Variants in PTCHD4 observed in about 807,000 individuals in gnomAD.
PTCHD4 encodes patched domain-containing protein 4.
PTCHD4 carries 33 observed loss-of-function variants against 58.1 expected under a neutral mutation model. The ratio of observed to expected loss-of-function variants is 0.57; its 90% CI spans 0.43 to 0.76. PTCHD4 has a LOEUF of 0.76. Among genes scored for constraint, PTCHD4 ranks in the 30% least tolerant of loss-of-function variants. PTCHD4 has a pLI of 0.00. For missense variants in PTCHD4, 1,058 were observed against 1,027.1 expected (o/e 1.03, Z -0.41); for synonymous variants, 478 against 409.6 (o/e 1.17, Z -2.02).
intron 4 of PTCHD4, among the ~76,000 whole-genome samples, chr6:47,987,950 T>C (rs1373221896): frequency 1.3e-5 from 2 of 152,092 alleles, no homozygotes; most frequent in Non-Finnish European, 2.9e-5. Flanking sequence ...CTAATTTTTG[T>C]ATTTTTAGTA....
chr6:48,047,694 A>G (rs1405486965), intron 3 of PTCHD4, among the ~76,000 whole-genome samples: 2 of 151,728 alleles, frequency 1.3e-5, no homozygotes. Context: ...CACAAATGAG[A>G]TTAGTGTTTT....
chr6:48,024,809 G>C (rs1582038991), intron 3 of PTCHD4, among the ~76,000 whole-genome samples: 2 of 152,140 alleles, frequency 1.3e-5, no homozygotes, highest in East Asian at 3.9e-4. Context: ...CAGTACAGAA[G>C]TTTCTCCACT....
chr6:48,092,898 A>G (rs1450637194), intron 1 of PTCHD4, among the ~76,000 whole-genome samples: 2 of 152,150 alleles, frequency 1.3e-5, no homozygotes, highest in Admixed American at 1.3e-4. Flanking sequence ...GTTATCATGT[A>G]TCATGGTCTT....
At chr6:47,882,486 A>G (rs1339219546) in intron 4 of PTCHD4, among the ~76,000 whole-genome samples, 2 of 151,720 alleles carry the variant, frequency 1.3e-5, no homozygotes, top group Non-Finnish European at 2.9e-5. Context: ...ACTGATATTC[A>G]CTCATTTGAC....
chr6:47,971,329 G>A (rs1034944484), intron 4 of PTCHD4, among the ~76,000 whole-genome samples: 1 of 145,680 alleles, frequency 6.9e-6, no homozygotes, highest in Non-Finnish European at 1.5e-5. Flanking sequence ...AAGTATGATT[G>A]CTGAATAAAA....
At chr6:48,109,398 AT>A (rs900863274) in intron 1 of PTCHD4, among the ~76,000 whole-genome samples, 8 of 152,194 alleles carry the variant, frequency 5.3e-5, no homozygotes, top group South Asian at 2.1e-4. Flanking sequence ...ATAACCAAGT[AT>A]TTATCTTAAG....
rs777003835 is a variant in PTCHD4, at chr6:48,068,585, C to G, written c.62G>C (p.Arg21Pro). The change falls in exon 3 of 5, where the codon CGC becomes CCC. Residue 21 changes from arginine to proline, a missense_variant. Physicochemically the swap from Arg to Pro is moderately radical, Grantham distance 103 (BLOSUM62 -2). Coordinates refer to ENST00000339488, the MANE Select transcript of PTCHD4 (RefSeq NM_001384253.1). The surrounding 1 kb of genome is among the most constrained non-coding windows in gnomAD (Gnocchi z 4.2). The stretch of plus-strand genomic sequence containing the variant: ...GTGGCAGAACGACTGGAGCCCTCTG[C>G]GAAGCACCTGCCGCAGCATCCTCCA... Reference protein sequence around the residue: ...IWWRMLRQVLRRGLQSFCHRL... With the variant: ...IWWRMLRQVLPRGLQSFCHRL... The G allele has an allele frequency of 1.3e-6, 2 of 1,561,754 alleles. No homozygotes were observed. Among genetic ancestry groups the G allele is most frequent in the Non-Finnish European group, 1.7e-6 (2 of 1,159,488 alleles).
At chr6:48,011,105 T>A (rs779995919) in intron 3 of PTCHD4, among the ~76,000 whole-genome samples, 19 of 152,038 alleles carry the variant, frequency 1.2e-4, no homozygotes, top group Non-Finnish European at 2.9e-5. Flanking sequence ...GCAATGGGAT[T>A]GCTTGGTCAA....
intron 3 of PTCHD4, among the ~76,000 whole-genome samples, chr6:48,040,209 A>C (rs909007768): frequency 2.0e-5 from 3 of 152,130 alleles, no homozygotes; most frequent in African/African-American, 7.2e-5. Context: ...TTGGTCTATC[A>C]ATCCAAGGAG....
intron 3 of PTCHD4, among the ~76,000 whole-genome samples, chr6:48,010,457 G>A (rs918551135): frequency 1.3e-5 from 2 of 152,100 alleles, no homozygotes; most frequent in African/African-American, 4.8e-5. Context: ...TAAGGCACTT[G>A]TTTGTATTTA....
chr6:48,020,294 A>G (rs543702971), intron 3 of PTCHD4, among the ~76,000 whole-genome samples: 9 of 152,230 alleles, frequency 5.9e-5, no homozygotes, highest in African/African-American at 2.2e-4. Flanking sequence ...ATCTTATGGA[A>G]TGCACACTAT....
At chr6:47,929,664 A>G (rs1765742829) in intron 4 of PTCHD4, among the ~76,000 whole-genome samples, 1 of 152,252 alleles carries the variant, frequency 6.6e-6, no homozygotes, top group African/African-American at 2.4e-5. Context: ...TGCTATAAAA[A>G]GTTTGAATCA....
chr6:47,945,005 T>C (rs1460501390), intron 4 of PTCHD4, among the ~76,000 whole-genome samples: 1 of 152,002 alleles, frequency 6.6e-6, no homozygotes, highest in African/African-American at 2.4e-5. Context: ...TCAGTATAAG[T>C]AGATGCTAAG....
chr6:48,071,256 G>A (rs565144156), intron 1 of PTCHD4, among the ~76,000 whole-genome samples: 3 of 152,256 alleles, frequency 2.0e-5, no homozygotes, highest in African/African-American at 7.2e-5. Context: ...TAGAATTAGG[G>A]AAGAATAAAG....
chr6:47,987,488 T>TA (rs1217041893), intron 4 of PTCHD4, among the ~76,000 whole-genome samples: 5 of 151,400 alleles, frequency 3.3e-5, no homozygotes, highest in Non-Finnish European at 5.9e-5. Flanking sequence ...TGATTCTTAA[T>TA]ATTCCAAGAT....
rs1437423775 is a variant in PTCHD4 at position 47,875,328 on chromosome 6, G to T, written c.*2975C>A. 6.6e-6 allele frequency among the ~76,000 whole-genome samples: 1 copy of T among 151,744 alleles called. No homozygotes were observed. Among genetic ancestry groups the T allele is most frequent in the Non-Finnish European group, 1.5e-5 (1 of 67,840 alleles). On this transcript the variant is annotated 3_prime_UTR_variant, in exon 5 of 5. Transcript: ENST00000339488. ...AGCTACCAAAAAAGGTTGGGATTGGGGGTGACCTGCAAGTCATGATCTCAT... is the reference window on the plus strand; with the variant it reads ...AGCTACCAAAAAAGGTTGGGATTGGTGGTGACCTGCAAGTCATGATCTCAT...
intron 4 of PTCHD4, among the ~76,000 whole-genome samples, chr6:47,954,624 G>A (rs1306958125): frequency 1.3e-5 from 2 of 152,126 alleles, no homozygotes; most frequent in African/African-American, 4.8e-5. Flanking sequence ...ATTAGTATTG[G>A]TATTGCAATT....
At chr6:47,932,592 A>G (rs1247666231) in intron 4 of PTCHD4, among the ~76,000 whole-genome samples, 2 of 152,378 alleles carry the variant, frequency 1.3e-5, no homozygotes, top group East Asian at 3.9e-4. Context: ...GAGTCTAATG[A>G]TGAGTTTTAT....
rs1472623184 is a variant in PTCHD4 at position 47,860,628 on chromosome 6, A to G, written c.*17675T>C. Reference sequence around the variant, plus strand: ...TTCACAATGTCTATCTTCCTTTATGATTTTTTTTCTCTGAACTCATATCTT... The same window carrying G: ...TTCACAATGTCTATCTTCCTTTATGGTTTTTTTTCTCTGAACTCATATCTT... On this transcript the variant is annotated 3_prime_UTR_variant, in exon 5 of 5. Transcript: ENST00000339488. Among the ~76,000 whole-genome samples the G allele has an allele frequency of 6.6e-6, 1 of 151,394 alleles. No homozygotes were observed. Among genetic ancestry groups the G allele is most frequent in the Non-Finnish European group, 1.5e-5 (1 of 67,806 alleles).
Sources: allele counts gnomAD v4.1 joint callset (sites outside exome capture counted in the v4.1 genomes callset), GRCh38; gene constraint gnomAD v4.1.1; non-coding constraint Gnocchi (gnomAD v3.1); transcripts MANE v1.5; gene names NCBI Gene and HGNC (gene_info 2026-07-23, HGNC 2026-07-21).